GNE: variants seen among roughly 807,000 people sequenced by gnomAD.
GNE encodes bifunctional UDP-N-acetylglucosamine 2-epimerase/N-acetylmannosamine kinase.
Under a neutral mutation model 61.8 loss-of-function variants are expected in GNE, and 41 were observed. The observed-to-expected ratio is 0.66, with a 90% CI of 0.52 to 0.86. GNE has a LOEUF of 0.86. Among genes scored for constraint, GNE ranks in the 40% least tolerant of loss-of-function variants. The probability of loss-of-function intolerance (pLI) is 0.00; values close to 1 mark genes in which losing one functional copy is unlikely to be tolerated. For synonymous variants in GNE, 264 were observed against 326.4 expected (o/e 0.81, Z 2.06); for missense variants, 608 against 909.1 (o/e 0.67, Z 4.26).
chr9:36,275,845 C>T (rs1386608826), intron 1 of GNE, among the ~76,000 whole-genome samples: 4 of 152,060 alleles, frequency 2.6e-5, no homozygotes, highest in Admixed American at 6.6e-5. Flanking sequence ...ACTGTGTTGG[C>T]AATAATTGCA....
At chr9:36,236,811 T>G in intron 4 of GNE, 21 bp downstream of exon 4, 1 of 1,611,328 alleles carries the variant, frequency 6.2e-7, no homozygotes, top group Non-Finnish European at 8.5e-7. Flanking sequence ...GTGGCATAAT[T>G]TCATTTTCAA....
chr9:36,261,649 G>C (rs1830621576), upstream of GNE, among the ~76,000 whole-genome samples: 1 of 151,814 alleles, frequency 6.6e-6, no homozygotes, highest in African/African-American at 2.4e-5. Context: ...GGTCAGGCGT[G>C]GTGGCTCAAG....
chr9:36,259,723 C>T (rs34843838), upstream of GNE, among the ~76,000 whole-genome samples: 23,086 of 152,138 alleles, frequency 0.15, 2,202 homozygotes, highest in Non-Finnish European at 0.21. Context: ...TACAGTGGTA[C>T]GATCTCAGCT....
At chr9:36,274,810 C>T (rs1014641920) in intron 1 of GNE, among the ~76,000 whole-genome samples, 1 of 145,826 alleles carries the variant, frequency 6.9e-6, no homozygotes, top group Admixed American at 6.9e-5. Context: ...GCAAGCTCCG[C>T]CTCCCGGGTT....
rs958836583 is a variant in GNE at position 36,222,735 on chromosome 9, T to C, written c.1633+42A>G. 7.1e-6 allele frequency: 9 copies of C among 1,272,300 alleles called. 1 individual carries two copies. Among genetic ancestry groups the C allele is most frequent in the Non-Finnish European group, 1.0e-5 (9 of 868,668 alleles). 78.8% of individuals were successfully genotyped at this position (1,272,300 alleles called of 1,614,324 possible). ...ACCATGTTGAAGACATGCTCCAATA[T>C]ACATTCTAGCTCCTGAACCAACCTC... On this transcript the variant is annotated intron_variant, in intron 9 of 11. Transcript: ENST00000642385.
chr9:36,270,687 T>C, intron 1 of GNE, among the ~76,000 whole-genome samples: 1 of 151,806 alleles, frequency 6.6e-6, no homozygotes, highest in African/African-American at 2.4e-5. Flanking sequence ...CCGGCTAATG[T>C]TTTGTATTTT....
At chr9:36,226,561 T>C (rs1828872131) in intron 7 of GNE, among the ~76,000 whole-genome samples, 1 of 152,206 alleles carries the variant, frequency 6.6e-6, no homozygotes, top group South Asian at 2.1e-4. Context: ...TGTTTTGCTT[T>C]CCTTATTTGA....
At position 36,227,397 on chromosome 9, in the gene GNE, CGATAGATT is replaced by C; in HGVS notation, c.1124_1131del (p.Lys375ArgfsTer24). 6.2e-7 allele frequency: 1 copy of C among 1,612,660 alleles called. No individual in the cohort carries two copies. The highest frequency in any genetic ancestry group is 8.5e-7 in the Non-Finnish European group (1 of 1,178,708). On this transcript the variant is annotated frameshift_variant, in exon 7 of 12. Transcript: ENST00000642385. LOFTEE classifies it high-confidence loss of function. ...TTCTTTTGCAGTGGCTCTTGAAGAT[CGATAGATT>C]TGAGAAACTTCAAAATCCTTGGAAC...
chr9:36,264,667 C>T (rs1324745564), intron 1 of GNE, among the ~76,000 whole-genome samples: 2 of 152,052 alleles, frequency 1.3e-5, no homozygotes, highest in Non-Finnish European at 2.9e-5. Flanking sequence ...ACTAAGAATC[C>T]CTAGGCCTAG....
chr9:36,250,852 T>C (rs1246562187), intron 1 of GNE, among the ~76,000 whole-genome samples: 1 of 152,188 alleles, frequency 6.6e-6, no homozygotes, highest in Non-Finnish European at 1.5e-5. Flanking sequence ...AGCTAATTTT[T>C]GTATTTTTAG....
At chr9:36,223,068 G>A (rs1159696163) in intron 8 of GNE, 70 bp from the exon 9 acceptor site, 2 of 1,414,456 alleles carry the variant, frequency 1.4e-6, no homozygotes, top group Non-Finnish European at 2.0e-6. Context: ...TGACTTTCTT[G>A]TCTTAAGAAC....
Position 36,242,732 on chromosome 9 carries a change from G to GCTT in GNE, c.616+3298_616+3299insAAG, listed in dbSNP as rs375794259. Among the ~76,000 whole-genome samples the GCTT allele has an allele frequency of 5.3e-4, 51 of 95,994 alleles. 9 individuals are homozygous for GCTT. The highest frequency in any genetic ancestry group is 4.1e-4 in the Non-Finnish European group (21 of 50,774). 63.0% of individuals were successfully genotyped at this position (95,994 alleles called of 152,430 possible). A position where few individuals can be genotyped will look rare whatever the true frequency, so the allele number is the denominator to read the frequency against. ...CGCATCTGGCCTGGGTTTTATGCTTGTTTTTTTTTTTTTTTTTTTTTTTGA... is the reference window on the plus strand; with the variant it reads ...CGCATCTGGCCTGGGTTTTATGCTTGCTTTTTTTTTTTTTTTTTTTTTTTTTGA... On this transcript the variant is annotated intron_variant, in intron 3 of 11. Transcript: ENST00000642385.
At chr9:36,250,567 T>C (rs549054217) in intron 1 of GNE, among the ~76,000 whole-genome samples, 1 of 152,334 alleles carries the variant, frequency 6.6e-6, no homozygotes, top group African/African-American at 2.4e-5. Flanking sequence ...TAAATATCTT[T>C]CAAATCTATC....
chr9:36,258,496 C>G (rs1830492422), upstream of GNE: 1 of 985,572 alleles, frequency 1.0e-6, no homozygotes, highest in Non-Finnish European at 1.2e-6. Context: ...CCAGCCACGC[C>G]CACCCGGAGT....
At position 36,269,123 on chromosome 9, in the gene GNE, C is replaced by T. The variant is rs1173967604; in HGVS notation, c.51+7771G>A. On this transcript the variant is annotated intron_variant, in intron 1 of 11. Coordinates refer to the GNE transcript ENST00000396594. Reference sequence around the variant, plus strand: ...CCAGCCTGGGCAACAGAGCGAGACTCCGTCTCAAAAAAAAAAAAAAAAGCC... The same window carrying T: ...CCAGCCTGGGCAACAGAGCGAGACTTCGTCTCAAAAAAAAAAAAAAAAGCC... 2.7e-5 allele frequency among the ~76,000 whole-genome samples: 4 copies of T among 145,964 alleles called. No homozygotes were observed. In the South Asian group the frequency reaches 6.7e-4, roughly 24 times the overall value.
chr9:36,234,383 T>TTTA (rs1458839202), intron 4 of GNE, among the ~76,000 whole-genome samples: 3 of 152,106 alleles, frequency 2.0e-5, no homozygotes, highest in African/African-American at 7.2e-5. Flanking sequence ...GCAAATAACT[T>TTTA]TTATCAATGC....
chr9:36,276,062 A>G (rs1169849276), intron 1 of GNE, among the ~76,000 whole-genome samples: 2 of 152,152 alleles, frequency 1.3e-5, no homozygotes, highest in African/African-American at 4.8e-5. Context: ...AGTCCTGACT[A>G]CTTGGGAGGC....
chr9:36,272,926 A>T lies in GNE; in HGVS notation c.51+3968T>A, dbSNP rs1342384546. Among the ~76,000 whole-genome samples, 267 of 148,468 alleles carry T rather than the reference A, an allele frequency of 1.8e-3. 2 individuals are homozygous for T. Among genetic ancestry groups the T allele is most frequent in the African/African-American group, 5.8e-3 (235 of 40,748 alleles). ...TCATCTAGTAAAAATACAAAAAAAA[A>T]AAAAAAAAAAAAGCTGGGCATGGTG... On this transcript the variant is annotated intron_variant, in intron 1 of 11. Transcript: ENST00000396594.
At chr9:36,248,538 G>A (rs1244288445) in intron 2 of GNE, among the ~76,000 whole-genome samples, 3 of 150,878 alleles carry the variant, frequency 2.0e-5, no homozygotes, top group African/African-American at 7.3e-5. Flanking sequence ...TGGCCAGGCT[G>A]GTCTCAAATT....
Sources: gnomAD v4.1 joint callset for allele counts (sites outside exome capture counted in the v4.1 genomes callset) on GRCh38, gnomAD v4.1.1 for gene constraint, MANE v1.5 for transcripts, NCBI Gene and HGNC (gene_info 2026-07-23, HGNC 2026-07-21) for gene names.